DPF3: variants seen among roughly 807,000 people sequenced by gnomAD.
DPF3 encodes the protein zinc finger protein DPF3.
In DPF3, 18 loss-of-function variants were observed where a neutral mutation model predicts 56.8. The ratio of observed to expected loss-of-function variants is 0.32; its 90% CI spans 0.22 to 0.47. The LOEUF (loss-of-function observed/expected upper bound fraction) is 0.47, where lower values mean the gene tolerates loss of function less well. Ranked by LOEUF, DPF3 falls within the 20% of genes least tolerant of loss-of-function variation. The pLI is 1.00. For synonymous variants in DPF3, 188 were observed against 180.2 expected, an observed-to-expected ratio of 1.04 and a Z score of -0.35; for missense variants, 403 against 488.8, an observed-to-expected ratio of 0.82 and a Z score of 1.65.
chr14:72,698,971 T>G (rs375805353), intron 6 of DPF3, among the ~76,000 whole-genome samples: 36 of 152,248 alleles, frequency 2.4e-4, no homozygotes, highest in African/African-American at 8.2e-4. Context: ...GTTTCTGACG[T>G]GGGCAACTGG....
chr14:72,723,735 T>G lies in DPF3; in HGVS notation c.430-7A>C. ...CATCATTTTCCAAAACCCTCTGAAA[T>G]GAAAAAAAAAAATAGAAAAGGTGAG... is the stretch of plus-strand genomic sequence containing the variant. On this transcript the variant is annotated splice_polypyrimidine_tract_variant and splice_region_variant and intron_variant, in intron 4 of 10. Coordinates refer to ENST00000556509, the MANE Select transcript of DPF3 (RefSeq NM_001280542.3). 1.2e-5 allele frequency: 18 copies of G among 1,539,468 alleles called. No individual in the cohort carries two copies. Among genetic ancestry groups the G allele is most frequent in the Admixed American group, 2.3e-5 (1 of 43,252 alleles).
chr14:72,845,740 T>C lies in DPF3; in HGVS notation c.32+48317A>G, dbSNP rs115715744. Among the ~76,000 whole-genome samples, 734 of 152,280 alleles carry C rather than the reference T, an allele frequency of 4.8e-3. 7 individuals are homozygous for C. The highest frequency in any genetic ancestry group is 0.017 in the African/African-American group (718 of 41,552). On this transcript the variant is annotated intron_variant, in intron 1 of 10. Transcript: ENST00000556509. ...AAAACCATCTCCAACATCTGTTTCTTTTTCTGTTAAAATCTATCCACTGTG... is the reference window on the plus strand; with the variant it reads ...AAAACCATCTCCAACATCTGTTTCTCTTTCTGTTAAAATCTATCCACTGTG...
At chr14:72,737,004 G>C (rs1889918500) in intron 3 of DPF3, among the ~76,000 whole-genome samples, 1 of 151,810 alleles carries the variant, frequency 6.6e-6, no homozygotes, top group Non-Finnish European at 1.5e-5. Context: ...AAGCAGCTCT[G>C]CCTCTACTTC....
At chr14:72,636,957 C>T (rs1159884982) in intron 8 of DPF3, among the ~76,000 whole-genome samples, 1 of 152,200 alleles carries the variant, frequency 6.6e-6, no homozygotes, top group Admixed American at 6.5e-5. Flanking sequence ...GGGCAAAACA[C>T]CTTCCTGTGC....
chr14:72,892,772 G>T (rs555141536), intron 1 of DPF3: 1 of 896,356 alleles, frequency 1.1e-6, no homozygotes, highest in Non-Finnish European at 1.3e-6. Flanking sequence ...TCCGGGCGGG[G>T]AAGTCCCGGT....
intron 2 of DPF3, among the ~76,000 whole-genome samples, chr14:72,756,963 G>C: frequency 7.9e-6 from 1 of 126,918 alleles, no homozygotes; most frequent in East Asian, 2.3e-4. Context: ...GAGGGAAAGA[G>C]GGGGAGAGAG....
intron 6 of DPF3, among the ~76,000 whole-genome samples, chr14:72,702,317 G>A: frequency 6.6e-6 from 1 of 152,132 alleles, no homozygotes. Context: ...CCCTGCCTGG[G>A]CACTGTGCTA....
chr14:72,730,761 T>A (rs978065216), intron 4 of DPF3, among the ~76,000 whole-genome samples: 1 of 151,988 alleles, frequency 6.6e-6, no homozygotes, highest in African/African-American at 2.4e-5. Context: ...TTTTAATAAT[T>A]TAATATTAAC....
At chr14:72,772,121 C>T (rs1012048009) in intron 1 of DPF3, among the ~76,000 whole-genome samples, 1 of 152,246 alleles carries the variant, frequency 6.6e-6, no homozygotes, top group African/African-American at 2.4e-5. Flanking sequence ...AACTTAGAAA[C>T]TCCTTTAACA....
chr14:72,827,042 CAAAAAA>C, intron 1 of DPF3, among the ~76,000 whole-genome samples: 1 of 137,864 alleles, frequency 7.3e-6, no homozygotes, highest in African/African-American at 2.7e-5. Context: ...AACTCCATCT[CAAAAAA>C]AAAAAAAAAA....
intron 8 of DPF3, among the ~76,000 whole-genome samples, chr14:72,652,035 C>T (rs1263084850): frequency 6.6e-6 from 1 of 152,218 alleles, no homozygotes; most frequent in African/African-American, 2.4e-5. Context: ...GGGCAAGTTA[C>T]TGAAACTTTC....
intron 1 of DPF3, among the ~76,000 whole-genome samples, chr14:72,806,377 C>T (rs777312843): frequency 3.9e-5 from 6 of 152,140 alleles, no homozygotes; most frequent in Non-Finnish European, 7.4e-5. Context: ...AGTTCCTCCC[C>T]AAAAGTTCCC....
At chr14:72,833,062 G>T (rs1280936357) in intron 1 of DPF3, among the ~76,000 whole-genome samples, 1 of 152,202 alleles carries the variant, frequency 6.6e-6, no homozygotes, top group East Asian at 1.9e-4. Flanking sequence ...GTCACTGAAG[G>T]GTTTTAAGTA....
At chr14:72,809,472 C>A (rs1353408024) in intron 1 of DPF3, among the ~76,000 whole-genome samples, 1 of 152,212 alleles carries the variant, frequency 6.6e-6, no homozygotes. Context: ...CACCCTCTCC[C>A]AACTTATGTG....
At chr14:72,661,580 C>T (rs1886212669) in intron 8 of DPF3, 1 of 985,408 alleles carries the variant, frequency 1.0e-6, no homozygotes, top group Non-Finnish European at 1.2e-6. Context: ...GGGCCACAGA[C>T]ACAGCGCCGA....
At chr14:72,679,519 G>C (rs888866022) in intron 7 of DPF3, among the ~76,000 whole-genome samples, 1 of 152,204 alleles carries the variant, frequency 6.6e-6, no homozygotes, top group Admixed American at 6.5e-5. Flanking sequence ...AAGTTGGGGT[G>C]CACAGCCCTT....
At chr14:72,857,711 C>G (rs924864930) in intron 1 of DPF3, among the ~76,000 whole-genome samples, 1 of 151,982 alleles carries the variant, frequency 6.6e-6, no homozygotes, top group Admixed American at 6.6e-5. Context: ...CTCAGCCTCC[C>G]GAGCAGCTGG....
At chr14:72,677,716 C>T (rs1028481506) in intron 7 of DPF3, among the ~76,000 whole-genome samples, 38 of 152,140 alleles carry the variant, frequency 2.5e-4, no homozygotes, top group African/African-American at 8.7e-4. Context: ...GGTTTATTTC[C>T]CTACCAGAGG....
At chr14:72,893,945 C>G (rs1886881404) in intron 1 of DPF3, 112 bp downstream of exon 1, 2 of 1,245,428 alleles carry the variant, frequency 1.6e-6, no homozygotes, top group Non-Finnish European at 2.3e-6. Flanking sequence ...AGCCCCGCCG[C>G]GGCTGGAGGC....
Sources: allele counts gnomAD v4.1 joint callset (sites outside exome capture counted in the v4.1 genomes callset), GRCh38; gene constraint gnomAD v4.1.1; transcripts MANE v1.5; gene names NCBI Gene and HGNC (gene_info 2026-07-23, HGNC 2026-07-21).